Variants in DAPK1 observed in about 807,000 individuals in gnomAD.
DAPK1 encodes death associated protein kinase 1.
A neutral mutation model predicts 144.9 loss-of-function variants in DAPK1; 56 were observed. That is an observed-to-expected ratio of 0.39 (90% CI 0.31 to 0.48). The LOEUF (loss-of-function observed/expected upper bound fraction) is 0.48, where lower values mean the gene tolerates loss of function less well. DAPK1 is among the 20% of genes least tolerant of loss of function. DAPK1 has a pLI of 0.95. For synonymous variants in DAPK1, 690 were observed against 749.0 expected (o/e 0.92, Z 1.29); for missense variants, 1,454 against 1,875.4 (o/e 0.78, Z 4.15).
chr9:87,640,568 G>T, intron 8 of DAPK1, 118 bp downstream of exon 8: 1 of 1,232,144 alleles, frequency 8.1e-7, no homozygotes, highest in Non-Finnish European at 1.1e-6. Flanking sequence ...CTGCCAAAGG[G>T]CAGCATGCCA....
chr9:87,670,893 C>T lies in DAPK1; in HGVS notation c.2001+2219C>T, dbSNP rs76960222. Among the ~76,000 whole-genome samples, 158 of 152,288 alleles carry T rather than the reference C, an allele frequency of 1.0e-3. 1 individual carries two copies. The highest frequency in any genetic ancestry group is 3.5e-3 in the African/African-American group (147 of 41,560). On this transcript the variant is annotated intron_variant, in intron 19 of 25. Coordinates refer to ENST00000408954, the MANE Select transcript of DAPK1 (RefSeq NM_004938.4). Reference sequence around the variant, plus strand: ...CCTCATGCAGAGGGAGGAGGCGTCTCGTGGGCTGTGCTGTGTTCTGCTGCC... The same window carrying T: ...CCTCATGCAGAGGGAGGAGGCGTCTTGTGGGCTGTGCTGTGTTCTGCTGCC...
intron 3 of DAPK1, among the ~76,000 whole-genome samples, chr9:87,618,334 G>A (rs1829171274): frequency 6.6e-6 from 1 of 152,194 alleles, no homozygotes; most frequent in African/African-American, 2.4e-5. Flanking sequence ...GTGCTGGTGA[G>A]AATGTAAATT....
At position 87,646,460 on chromosome 9, in the gene DAPK1, G is replaced by T. The variant is rs1246789142; in HGVS notation, c.1132-1G>T. The T allele has an allele frequency of 6.2e-7, 1 of 1,610,690 alleles. No individual in the cohort carries two copies. Among genetic ancestry groups the T allele is most frequent in the Non-Finnish European group, 8.5e-7 (1 of 1,177,636 alleles). ...AGTAATTTTTTTCTTGCCTATTCTA[G>T]CACGGGACACCTCCATTACTCATTG... On this transcript the variant is annotated splice_acceptor_variant, in intron 12 of 25. Transcript: ENST00000408954. LOFTEE classifies it high-confidence loss of function.
intron 2 of DAPK1, among the ~76,000 whole-genome samples, chr9:87,501,322 C>T (rs955510203): frequency 1.3e-5 from 2 of 152,154 alleles, no homozygotes; most frequent in African/African-American, 4.8e-5. Context: ...AGTTCAAGAC[C>T]AGCCTGGCTA....
chr9:87,566,713 T>C (rs1399532413), intron 2 of DAPK1, among the ~76,000 whole-genome samples: 2 of 152,178 alleles, frequency 1.3e-5, no homozygotes, highest in African/African-American at 2.4e-5. Flanking sequence ...AATTGTAGAC[T>C]GACTGATGTT....
chr9:87,584,826 G>A lies in DAPK1; in HGVS notation c.63-20128G>A, dbSNP rs563315522. 1.1e-4 allele frequency among the ~76,000 whole-genome samples: 17 copies of A among 152,222 alleles called. No homozygotes were observed. In the South Asian group the frequency reaches 1.2e-3, roughly 11 times the overall value. ...TGAGTGGCTAGGACTACAGTTGCCCGCCACCACGCCTGGCTAATTTTTGTA... is the reference window on the plus strand; with the variant it reads ...TGAGTGGCTAGGACTACAGTTGCCCACCACCACGCCTGGCTAATTTTTGTA... On this transcript the variant is annotated intron_variant, in intron 2 of 25. Coordinates refer to ENST00000408954, the MANE Select transcript of DAPK1 (RefSeq NM_004938.4).
chr9:87,705,368 C>T (rs946440871), intron 25 of DAPK1, among the ~76,000 whole-genome samples: 1 of 151,354 alleles, frequency 6.6e-6, no homozygotes, highest in Non-Finnish European at 1.5e-5. Context: ...CCTACAGACA[C>T]AAGCCATCAC....
At chr9:87,671,392 T>C (rs912642473) in intron 19 of DAPK1, among the ~76,000 whole-genome samples, 1 of 151,890 alleles carries the variant, frequency 6.6e-6, no homozygotes, top group South Asian at 2.1e-4. Flanking sequence ...ATTTTATAGT[T>C]TATAAAATAG....
intron 2 of DAPK1, among the ~76,000 whole-genome samples, chr9:87,521,680 T>G (rs1217664292): frequency 6.6e-6 from 1 of 152,244 alleles, no homozygotes; most frequent in African/African-American, 2.4e-5. Flanking sequence ...ATCCAATCTT[T>G]TGGCAATTTT....
At chr9:87,577,967 G>A (rs186407160) in intron 2 of DAPK1, among the ~76,000 whole-genome samples, 5 of 152,230 alleles carry the variant, frequency 3.3e-5, no homozygotes, top group Admixed American at 3.3e-4. Flanking sequence ...GGTGCTCAGA[G>A]GCGATGACAG....
rs1273305157 is a variant in DAPK1, at chr9:87,707,145, C to T, written c.4074C>T (p.Leu1358=). The T allele has an allele frequency of 1.1e-5, 17 of 1,613,594 alleles. No individual in the cohort carries two copies. Among genetic ancestry groups the T allele is most frequent in the East Asian group, 2.2e-5 (1 of 44,878 alleles). The change falls in exon 26 of 26, where the codon CTC becomes CTT. Residue 1358 remains leucine (L), a synonymous_variant. Transcript: ENST00000408954. This position sits in a 1 kb window ranked among gnomAD's most constrained non-coding sequence, Gnocchi z 4.0. ...CCAAGGATTTCCTCCCCAGCCCCCTCCACGCCCTGCTGCGGGAATGGACCA... is the reference window on the plus strand; with the variant it reads ...CCAAGGATTTCCTCCCCAGCCCCCTTCACGCCCTGCTGCGGGAATGGACCA... ...GAPKDFLPSP[L]HALLREWTTY... is the part of the protein sequence containing the mutation.
chr9:87,643,507 A>T, intron 11 of DAPK1, 39 bp downstream of exon 11: 3 of 1,251,136 alleles, frequency 2.4e-6, no homozygotes, highest in Admixed American at 4.0e-5. Flanking sequence ...CTTTCTTAGC[A>T]CTGGGTACTC....
intron 17 of DAPK1, among the ~76,000 whole-genome samples, chr9:87,653,256 C>G (rs898976646): frequency 3.3e-5 from 5 of 151,740 alleles, no homozygotes; most frequent in African/African-American, 1.2e-4. Context: ...TGTGTCCATC[C>G]CCCCAATCCT....
At chr9:87,682,707 A>G (rs1364436403) in intron 20 of DAPK1, among the ~76,000 whole-genome samples, 1 of 152,256 alleles carries the variant, frequency 6.6e-6, no homozygotes, top group Non-Finnish European at 1.5e-5. Flanking sequence ...ATATTTATAG[A>G]GTACTGTGTG....
chr9:87,619,450 A>C (rs2119032706), intron 3 of DAPK1, among the ~76,000 whole-genome samples: 1 of 152,308 alleles, frequency 6.6e-6, no homozygotes, highest in South Asian at 2.1e-4. Flanking sequence ...GGGAAACAAC[A>C]GTAAGGACTC....
At chr9:87,604,877 T>C (rs746168737) in intron 2 of DAPK1, 77 bp from the exon 3 acceptor site, 1 of 1,364,658 alleles carries the variant, frequency 7.3e-7, no homozygotes, top group Non-Finnish European at 1.0e-6. Flanking sequence ...CTTGTCCCCC[T>C]CTGCACCATG....
chr9:87,529,326 A>G (rs925207803), intron 2 of DAPK1, among the ~76,000 whole-genome samples: 1 of 152,114 alleles, frequency 6.6e-6, no homozygotes, highest in Admixed American at 6.5e-5. Context: ...TTTTGAGGAG[A>G]AAAGAATTGA....
At chr9:87,587,470 A>C (rs977965705) in intron 2 of DAPK1, among the ~76,000 whole-genome samples, 7 of 152,182 alleles carry the variant, frequency 4.6e-5, no homozygotes, top group African/African-American at 1.7e-4. Flanking sequence ...AAACAGCCTC[A>C]AACAGCTTCA....
At chr9:87,536,091 T>A (rs1825852988) in intron 2 of DAPK1, among the ~76,000 whole-genome samples, 1 of 152,240 alleles carries the variant, frequency 6.6e-6, no homozygotes, top group Non-Finnish European at 1.5e-5. Context: ...TCTTGTTTTC[T>A]AAGTTAGTAT....
Sources: allele counts gnomAD v4.1 joint callset (sites outside exome capture counted in the v4.1 genomes callset), GRCh38; gene constraint gnomAD v4.1.1; non-coding constraint Gnocchi (gnomAD v3.1); transcripts MANE v1.5; gene names NCBI Gene and HGNC (gene_info 2026-07-23, HGNC 2026-07-21).